NDEL1: variants seen among roughly 807,000 people sequenced by gnomAD.
NDEL1 encodes nudE neurodevelopment protein 1 like 1.
A neutral mutation model predicts 45.7 loss-of-function variants in NDEL1; 9 were observed. That is an observed-to-expected ratio of 0.20 (90% CI 0.12 to 0.34). The LOEUF is 0.34. Among genes scored for constraint, NDEL1 ranks in the 10% least tolerant of loss-of-function variants. The probability of loss-of-function intolerance (pLI) is 1.00; values close to 1 mark genes in which losing one functional copy is unlikely to be tolerated. For synonymous variants in NDEL1, 133 were observed against 158.6 expected, an observed-to-expected ratio of 0.84 and a Z score of 1.21; for missense variants, 306 against 406.2, an observed-to-expected ratio of 0.75 and a Z score of 2.12.
At position 8,465,173 on chromosome 17, in the gene NDEL1, G is replaced by A. The variant is rs766746025; in HGVS notation, c.945-1757G>A. 7.2e-5 allele frequency: 11 copies of A among 152,260 alleles called. No homozygotes were observed. Among genetic ancestry groups the A allele is most frequent in the Non-Finnish European group, 1.2e-4 (8 of 68,088 alleles). 9.4% of individuals were successfully genotyped at this position (152,260 alleles called of 1,614,324 possible). A position where few individuals can be genotyped will look rare whatever the true frequency, so the allele number is the denominator to read the frequency against. ...TCCCTGAGGTTTCTAGGAGAAGCAG[G>A]TGTCAGGGACTCTGGGACTAGCCAG... On this transcript the variant is annotated intron_variant, in intron 8 of 8. Coordinates refer to ENST00000334527, the MANE Select transcript of NDEL1 (RefSeq NM_030808.5). This position sits in a 1 kb window ranked among gnomAD's most constrained non-coding sequence, Gnocchi z 4.9.
chr17:8,448,838 C>T, intron 5 of NDEL1, 152 bp downstream of exon 5: 1 of 829,164 alleles, frequency 1.2e-6, no homozygotes, highest in Non-Finnish European at 1.8e-6. Flanking sequence ...GGAGGGCTGA[C>T]TTTTCATATA....
intron 2 of NDEL1, 104 bp from the exon 3 acceptor site, chr17:8,445,607 C>T (rs1269317761): frequency 8.5e-7 from 1 of 1,172,844 alleles, no homozygotes; most frequent in African/African-American, 1.6e-5. Context: ...TTTATGAGAG[C>T]ATTAGCATTC....
chr17:8,454,157 C>A (rs1910689313), intron 6 of NDEL1, among the ~76,000 whole-genome samples: 2 of 151,920 alleles, frequency 1.3e-5, no homozygotes, highest in African/African-American at 2.4e-5. Flanking sequence ...CAAAGGTTCT[C>A]CTACCGAAAC....
In NDEL1 at chr17:8,445,737, T is replaced by A; in HGVS notation, c.113T>A (p.Val38Asp). 6.3e-7 allele frequency: 1 copy of A among 1,596,336 alleles called. No individual in the cohort carries two copies. The highest frequency in any genetic ancestry group is 8.5e-7 in the Non-Finnish European group (1 of 1,173,708). The change falls in exon 3 of 9, where the codon GTT becomes GAT. Residue 38 changes from valine to aspartate, a missense_variant. Val to Asp is a radical substitution (Grantham distance 152). Transcript: ENST00000334527. ...QSFQEARDEL[V>D]EFQEGSRELE... is the part of the protein sequence containing the mutation. ...TTCCAGGAAGCTCGGGATGAGCTAG[T>A]TGAATTCCAGGAAGGAAGCAGAGAA...
intron 1 of NDEL1, chr17:8,436,527 A>G (rs1419811467): frequency 6.6e-6 from 1 of 152,364 alleles, no homozygotes; most frequent in Non-Finnish European, 1.5e-5. Flanking sequence ...CGAGAGCGCG[A>G]GCAGCCCACG....
Position 8,450,887 on chromosome 17 carries a change from G to A in NDEL1, c.634G>A (p.Ala212Thr). 6.2e-7 allele frequency: 1 copy of A among 1,613,246 alleles called. No individual in the cohort carries two copies. Among genetic ancestry groups the A allele is most frequent in the Non-Finnish European group, 8.5e-7 (1 of 1,179,688 alleles). ...TGAAAAGATGGACTCCGCCGTCCAA[G>A]CATCACTTTCTTTGCCAGCTACCCC... ...DCEKMDSAVQASLSLPATPVG... is the reference protein window; with the variant it reads ...DCEKMDSAVQTSLSLPATPVG... Residue 212 changes from alanine to threonine, a missense_variant, in exon 6 of 9, where the codon GCA becomes ACA. By Grantham distance (58) the Ala-to-Thr change is moderately conservative. Transcript: ENST00000334527.
chr17:8,413,835 T>C (rs1176513359), intron 1 of NDEL1, among the ~76,000 whole-genome samples: 1 of 152,246 alleles, frequency 6.6e-6, no homozygotes, highest in Non-Finnish European at 1.5e-5. Flanking sequence ...TTGTAAACTG[T>C]ATGATTGTAT....
At chr17:8,432,416 G>A (rs922138785), upstream of NDEL1, among the ~76,000 whole-genome samples, 25 of 112,366 alleles carry the variant, frequency 2.2e-4, no homozygotes, top group African/African-American at 7.3e-4. Context: ...ACAGAGTCTC[G>A]CTCTGTTGCC....
At chr17:8,473,255 C>T (rs1453989204) in intron 3 of NDEL1, among the ~76,000 whole-genome samples, 2 of 150,938 alleles carry the variant, frequency 1.3e-5, no homozygotes, top group Non-Finnish European at 3.0e-5. Flanking sequence ...GGTGTGATCT[C>T]GGCTCACTGC....
downstream of NDEL1, among the ~76,000 whole-genome samples, chr17:8,473,056 C>CACAGGACAAA (rs1911915049): frequency 6.6e-6 from 1 of 152,144 alleles, no homozygotes; most frequent in Admixed American, 6.5e-5. Context: ...AGAAGGGACC[C>CACAGGACAAA]TTTTAGTTAT....
chr17:8,463,359 C>T, intron 8 of NDEL1: 11 of 1,612,784 alleles, frequency 6.8e-6, no homozygotes, highest in Non-Finnish European at 9.3e-6. Context: ...TCATGGGTAA[C>T]TGAATTTGTT....
intron 5 of NDEL1, among the ~76,000 whole-genome samples, chr17:8,450,253 C>T (rs572243684): frequency 5.7e-4 from 85 of 149,060 alleles, no homozygotes; most frequent in African/African-American, 2.1e-3. Flanking sequence ...TGCGTCACTG[C>T]ACTCTAGCCT....
rs35226962 is a variant in NDEL1 at position 8,439,407 on chromosome 17, A to AT, written c.-13+3379dup. Among the ~76,000 whole-genome samples, 530 of 140,696 alleles carry AT rather than the reference A, an allele frequency of 3.8e-3. 5 individuals are homozygous for AT. The highest frequency in any genetic ancestry group is 0.013 in the African/African-American group (508 of 37,736). 92.3% of individuals were successfully genotyped at this position (140,696 alleles called of 152,430 possible). A position where few individuals can be genotyped will look rare whatever the true frequency, so the allele number is the denominator to read the frequency against. ...AGGTGCCGGCCACCATACCCAGCTA[A>AT]TTTTTTTTTTTTTTTTTCATATTTT... On this transcript the variant is annotated intron_variant, in intron 1 of 8. Transcript: ENST00000334527.
At chr17:8,437,380 G>A (rs1909421711) in intron 1 of NDEL1, among the ~76,000 whole-genome samples, 1 of 152,108 alleles carries the variant, frequency 6.6e-6, no homozygotes, top group Admixed American at 6.5e-5. Flanking sequence ...AATTGAAGTT[G>A]GATAAAGAGC....
intron 6 of NDEL1, among the ~76,000 whole-genome samples, chr17:8,451,348 G>T (rs1252480659): frequency 2.0e-5 from 3 of 152,116 alleles, no homozygotes; most frequent in Non-Finnish European, 4.4e-5. Flanking sequence ...TTGTGTGCTT[G>T]TGTGTGTTTG....
intron 1 of NDEL1, among the ~76,000 whole-genome samples, chr17:8,443,238 A>G (rs1386270413): frequency 6.6e-6 from 1 of 152,236 alleles, no homozygotes; most frequent in Non-Finnish European, 1.5e-5. Flanking sequence ...AGGCAACACA[A>G]AGGTGTAAGC....
intron 8 of NDEL1, chr17:8,461,445 G>T (rs966113939): frequency 6.6e-6 from 1 of 152,146 alleles, no homozygotes; most frequent in Admixed American, 6.5e-5. Context: ...AGAGATGGGG[G>T]TCTCACTCTG....
At chr17:8,441,215 A>T (rs1909711898) in intron 1 of NDEL1, among the ~76,000 whole-genome samples, 1 of 152,218 alleles carries the variant, frequency 6.6e-6, no homozygotes, top group African/African-American at 2.4e-5. Flanking sequence ...TAGGGGCAAT[A>T]CAAAGCATAA....
chr17:8,450,614 G>C (rs1910429127), intron 5 of NDEL1, among the ~76,000 whole-genome samples, 166 bp from the exon 6 acceptor site: 1 of 152,112 alleles, frequency 6.6e-6, no homozygotes, highest in African/African-American at 2.4e-5. Flanking sequence ...CAGTAGTTTT[G>C]CCATTTTTAT....
Sources: gnomAD v4.1 joint callset for allele counts (sites outside exome capture counted in the v4.1 genomes callset) on GRCh38, gnomAD v4.1.1 for gene constraint, Gnocchi (gnomAD v3.1) non-coding constraint, MANE v1.5 for transcripts, NCBI Gene and HGNC (gene_info 2026-07-23, HGNC 2026-07-21) for gene names.